PKN3: variants seen among roughly 807,000 people sequenced by gnomAD.
The protein encoded by PKN3 is protein kinase N3, also known as serine/threonine-protein kinase N3.
Under a neutral mutation model 113.1 loss-of-function variants are expected in PKN3, and 91 were observed. The ratio of observed to expected loss-of-function variants is 0.80; its 90% CI spans 0.68 to 0.96. PKN3 has a LOEUF of 0.96. Among genes scored for constraint, PKN3 ranks in the 40% least tolerant of loss-of-function variants. PKN3 has a pLI of 0.00. For synonymous variants in PKN3, 467 were observed against 499.0 expected (o/e 0.94, Z 0.85); for missense variants, 1,052 against 1,202.2 (o/e 0.88, Z 1.85).
rs925553955 is a variant in PKN3, at chr9:128,713,071, C to G, written c.855C>G (p.Leu285=). 1 of 1,610,138 alleles carries G rather than the reference C, an allele frequency of 6.2e-7. No individual in the cohort carries two copies. Among genetic ancestry groups the G allele is most frequent in the African/African-American group, 1.3e-5 (1 of 74,872 alleles). ...TALTGTLQVR[L]LGCEQLLTAV... is the part of the protein sequence containing the mutation. ...CCACAGGGACACTGCAGGTCCGCCT[C>G]CTGGGCTGTGAACAGTTGCTGACAG... The change falls in exon 7 of 22, where the codon CTC becomes CTG. Residue 285 remains leucine (L), a synonymous_variant. Transcript: ENST00000291906.
intron 1 of PKN3, chr9:128,703,412 G>C: frequency 1.0e-6 from 1 of 985,382 alleles, no homozygotes; most frequent in Non-Finnish European, 1.2e-6. Flanking sequence ...CAGGAGGCAC[G>C]AGGGGAGCGT....
intron 11 of PKN3, 30 bp from the exon 12 acceptor site, chr9:128,714,532 C>T: frequency 2.1e-6 from 2 of 959,524 alleles, no homozygotes; most frequent in Non-Finnish European, 3.4e-6. Flanking sequence ...TCTGCCTGTG[C>T]TGGGCACTGT....
Position 128,714,270 on chromosome 9 carries a change from G to GC in PKN3, c.1392dup (p.Cys465LeufsTer11), listed in dbSNP as rs1216019307. 1 of 1,613,732 alleles carries GC rather than the reference G, an allele frequency of 6.2e-7. No homozygotes were observed. Among genetic ancestry groups the GC allele is most frequent in the Non-Finnish European group, 8.5e-7 (1 of 1,179,862 alleles). ...GGGGGCGCCTCGTCATGAACCTGCT[G>GC]CCCCCCTGCAGCTCCCCGAGCACAA... On this transcript the variant is annotated frameshift_variant, in exon 11 of 22. Transcript: ENST00000291906. LOFTEE classifies it high-confidence loss of function.
intron 1 of PKN3, among the ~76,000 whole-genome samples, chr9:128,704,764 C>G (rs1861956582): frequency 6.6e-6 from 1 of 151,866 alleles, no homozygotes; most frequent in Admixed American, 6.6e-5. Context: ...ACTAAAAATA[C>G]AAAATTAGCC....
intron 6 of PKN3, among the ~76,000 whole-genome samples, chr9:128,711,355 G>A (rs1320721376): frequency 6.8e-6 from 1 of 147,956 alleles, no homozygotes; most frequent in African/African-American, 2.5e-5. Flanking sequence ...CGCCCAGGCC[G>A]GATTGCAGTG....
intron 6 of PKN3, among the ~76,000 whole-genome samples, chr9:128,711,283 G>A (rs1247971348): frequency 4.0e-5 from 6 of 151,858 alleles, no homozygotes; most frequent in Non-Finnish European, 7.4e-5. Flanking sequence ...TGGGATTACA[G>A]GCGTGAGCCA....
In PKN3 at chr9:128,707,468, A is replaced by G. The variant is rs546448154; in HGVS notation, c.835+63A>G. The G allele has an allele frequency of 2.0e-3, 2,742 of 1,387,314 alleles. 6 individuals are homozygous for G. The highest frequency in any genetic ancestry group is 8.0e-3 in the Middle Eastern group (44 of 5,488). 85.9% of individuals were successfully genotyped at this position (1,387,314 alleles called of 1,614,324 possible). On this transcript the variant is annotated intron_variant, in intron 6 of 21. Coordinates refer to ENST00000291906, the MANE Select transcript of PKN3 (RefSeq NM_013355.5). Reference sequence around the variant, plus strand: ...TTTTTGGGGGGAGGCCGGAAGCACAAACAACTCTGATGAAGAGTTCAAGAG... The same window carrying G: ...TTTTTGGGGGGAGGCCGGAAGCACAGACAACTCTGATGAAGAGTTCAAGAG...
chr9:128,718,870 CTG>C (rs1316525394), intron 18 of PKN3, among the ~76,000 whole-genome samples: 1 of 149,338 alleles, frequency 6.7e-6, no homozygotes, highest in Non-Finnish European at 1.5e-5. Context: ...GGAGAGGAGA[CTG>C]AGTTCTGCCT....
rs1287450885 is a variant in PKN3, at chr9:128,716,948, C to G, written c.1985+25C>G. The G allele has an allele frequency of 5.0e-6, 8 of 1,605,852 alleles. No homozygotes were observed. The Admixed American group carries it at 1.2e-4, about 23-fold the overall frequency. ...GGTGGGTTCCATCCCTCCTGCCTGC[C>G]TCTTCCAGCAAACTTTGCCTGGTTC... On this transcript the variant is annotated intron_variant, in intron 16 of 21. Transcript: ENST00000291906.
At chr9:128,708,120 C>T (rs1862075098) in intron 6 of PKN3, among the ~76,000 whole-genome samples, 1 of 150,086 alleles carries the variant, frequency 6.7e-6, no homozygotes, top group South Asian at 2.1e-4. Flanking sequence ...GTGGCTCATG[C>T]CTGTAATCCC....
rs778853110 is a variant in PKN3 at position 128,718,548 on chromosome 9, G to A, written c.2049-1G>A. ...CCTTTGATCTGCACCCTTGCCCTCA[G>A]GGACCTGAAGTTGGATAACCTTCTG... On this transcript the variant is annotated splice_acceptor_variant, in intron 17 of 21. Coordinates refer to ENST00000291906, the MANE Select transcript of PKN3 (RefSeq NM_013355.5). LOFTEE classifies it high-confidence loss of function. 20 of 1,614,030 alleles carry A rather than the reference G, an allele frequency of 1.2e-5. No homozygotes were observed. The highest frequency in any genetic ancestry group is 1.7e-5 in the Non-Finnish European group (20 of 1,179,992).
intron 16 of PKN3, 38 bp downstream of exon 16, chr9:128,716,961 CTT>C: frequency 6.3e-7 from 1 of 1,585,386 alleles, no homozygotes; most frequent in South Asian, 1.1e-5. Flanking sequence ...TTCCAGCAAA[CTT>C]TGCCTGGTTC....
chr9:128,719,330 C>T (rs1228777595), intron 18 of PKN3, among the ~76,000 whole-genome samples: 2 of 151,836 alleles, frequency 1.3e-5, no homozygotes, highest in African/African-American at 2.4e-5. Context: ...CCTGCGATTA[C>T]AGGCACATGC....
chr9:128,712,778 C>T (rs951301860), intron 6 of PKN3, among the ~76,000 whole-genome samples: 4 of 152,122 alleles, frequency 2.6e-5, no homozygotes, highest in Middle Eastern at 3.4e-3. Context: ...GTGTCCAGGT[C>T]GGAGGCCTCC....
chr9:128,715,072 C>A lies in PKN3; in HGVS notation c.1653-100C>A. 2 of 1,309,438 alleles carry A rather than the reference C, an allele frequency of 1.5e-6. No individual in the cohort carries two copies. The highest frequency in any genetic ancestry group is 2.2e-6 in the Non-Finnish European group (2 of 911,386). 81.1% of individuals were successfully genotyped at this position (1,309,438 alleles called of 1,614,324 possible). A position where few individuals can be genotyped will look rare whatever the true frequency, so the allele number is the denominator to read the frequency against. On this transcript the variant is annotated intron_variant, in intron 13 of 21. Transcript: ENST00000291906. This position sits in a 1 kb window ranked among gnomAD's most constrained non-coding sequence, Gnocchi z 4.1. Reference sequence around the variant, plus strand: ...GCAGGGCTTTTTCGAGCCCATAGGTCGGGACAGCCCAGGACTGGGCATGGG... The same window carrying A: ...GCAGGGCTTTTTCGAGCCCATAGGTAGGGACAGCCCAGGACTGGGCATGGG...
At chr9:128,704,373 T>C (rs1564368875) in intron 1 of PKN3, among the ~76,000 whole-genome samples, 1 of 152,160 alleles carries the variant, frequency 6.6e-6, no homozygotes, top group Non-Finnish European at 1.5e-5. Flanking sequence ...ACCTGTGGCA[T>C]TGGGACATCA....
intron 6 of PKN3, among the ~76,000 whole-genome samples, chr9:128,709,250 C>A (rs1033387055): frequency 6.7e-6 from 1 of 149,946 alleles, no homozygotes; most frequent in Non-Finnish European, 1.5e-5. Flanking sequence ...CGCACCACTG[C>A]ACTCCAGCCT....
chr9:128,711,086 A>G (rs1245843844), intron 6 of PKN3, among the ~76,000 whole-genome samples: 1 of 151,072 alleles, frequency 6.6e-6, no homozygotes, highest in African/African-American at 2.4e-5. Flanking sequence ...GCTCACTGCA[A>G]CCTCCGCCTC....
At chr9:128,705,624 C>T (rs1055428076) in intron 2 of PKN3, 81 bp downstream of exon 2, 12 of 1,540,644 alleles carry the variant, frequency 7.8e-6, no homozygotes, top group Middle Eastern at 2.0e-4. Flanking sequence ...GCCACTGTGG[C>T]GAGACCACCT....
Sources: gnomAD v4.1 joint callset for allele counts (sites outside exome capture counted in the v4.1 genomes callset) on GRCh38, gnomAD v4.1.1 for gene constraint, Gnocchi (gnomAD v3.1) non-coding constraint, MANE v1.5 for transcripts, NCBI Gene and HGNC (gene_info 2026-07-23, HGNC 2026-07-21) for gene names.